GPC5: variants seen among roughly 807,000 people sequenced by gnomAD.
GPC5 encodes glypican 5, also known as glypican-5.
In GPC5, 47 loss-of-function variants were observed where a neutral mutation model predicts 53.9. The ratio of observed to expected loss-of-function variants is 0.87; its 90% CI spans 0.69 to 1.11. The LOEUF (loss-of-function observed/expected upper bound fraction) is 1.11, where lower values mean the gene tolerates loss of function less well. Ranked by LOEUF, GPC5 falls within the 50% of genes most tolerant of loss-of-function variation. The pLI is 0.00. For synonymous variants in GPC5, 286 were observed against 263.3 expected (o/e 1.09, Z -0.84); for missense variants, 748 against 713.1 (o/e 1.05, Z -0.56).
In GPC5 at chr13:91,961,071, C is replaced by T. The variant is rs183951364; in HGVS notation, c.1401+53014C>T. ...ATATTAAACTTAAAAAAAAACTTCT[C>T]CATAGAAAAGGAAACAATGAACAGA... is the stretch of plus-strand genomic sequence containing the variant. On this transcript the variant is annotated intron_variant, in intron 6 of 7. Coordinates refer to ENST00000377067, the MANE Select transcript of GPC5 (RefSeq NM_004466.6). Among the ~76,000 whole-genome samples the T allele has an allele frequency of 2.5e-4, 38 of 151,780 alleles. No homozygotes were observed. The East Asian group carries it at 7.0e-3, about 28-fold the overall frequency.
intron 2 of GPC5, among the ~76,000 whole-genome samples, chr13:91,557,291 C>T (rs542820606): frequency 2.6e-5 from 4 of 152,186 alleles, no homozygotes; most frequent in South Asian, 4.1e-4. Context: ...CTTTGCATTT[C>T]CCTTATGGCT....
intron 2 of GPC5, among the ~76,000 whole-genome samples, chr13:91,561,855 A>T (rs2031280013): frequency 6.6e-6 from 1 of 152,140 alleles, no homozygotes; most frequent in Admixed American, 6.6e-5. Context: ...CATGGTACCT[A>T]GTAATTTCCA....
intron 7 of GPC5, among the ~76,000 whole-genome samples, chr13:92,154,925 G>C (rs1430434163): frequency 6.6e-6 from 1 of 152,060 alleles, no homozygotes; most frequent in East Asian, 1.9e-4. Context: ...TACTAAAACT[G>C]CCCTTACGCA....
intron 7 of GPC5, among the ~76,000 whole-genome samples, chr13:92,405,305 A>G (rs1411369538): frequency 1.3e-5 from 2 of 152,162 alleles, no homozygotes; most frequent in East Asian, 3.9e-4. Context: ...TAAAGTGCAC[A>G]TCTTTGGAAT....
chr13:92,712,030 C>A (rs1888156563), intron 7 of GPC5, among the ~76,000 whole-genome samples: 1 of 150,524 alleles, frequency 6.6e-6, no homozygotes, highest in South Asian at 2.1e-4. Flanking sequence ...AAACCCCTAA[C>A]AAGCAGAAGA....
intron 7 of GPC5, among the ~76,000 whole-genome samples, chr13:92,764,444 C>T (rs1344349908): frequency 2.6e-5 from 4 of 152,182 alleles, no homozygotes; most frequent in Admixed American, 2.6e-4. Context: ...AGGAGGAACA[C>T]AGCCATATGG....
chr13:92,244,526 A>G (rs930388055), intron 7 of GPC5, among the ~76,000 whole-genome samples: 1 of 152,168 alleles, frequency 6.6e-6, no homozygotes, highest in African/African-American at 2.4e-5. Context: ...TTATAACGTT[A>G]TGGTCCAATC....
At chr13:92,517,532 C>G (rs1310207721) in intron 7 of GPC5, among the ~76,000 whole-genome samples, 1 of 152,172 alleles carries the variant, frequency 6.6e-6, no homozygotes, top group African/African-American at 2.4e-5. Context: ...GTTATATTCG[C>G]TGTTCTGCAG....
At chr13:91,503,520 G>A (rs1884759850) in intron 2 of GPC5, among the ~76,000 whole-genome samples, 2 of 151,882 alleles carry the variant, frequency 1.3e-5, no homozygotes, top group African/African-American at 4.8e-5. Flanking sequence ...AGTCGCTCAT[G>A]CCTATAATCC....
chr13:92,476,982 C>T (rs9589561), intron 7 of GPC5, among the ~76,000 whole-genome samples: 2,290 of 148,980 alleles, frequency 0.015, 59 homozygotes, highest in African/African-American at 0.051. Flanking sequence ...CAGCATGGCA[C>T]GTGTATACAT....
At chr13:92,129,256 A>G (rs1256849409) in intron 6 of GPC5, among the ~76,000 whole-genome samples, 1 of 152,230 alleles carries the variant, frequency 6.6e-6, no homozygotes, top group Non-Finnish European at 1.5e-5. Context: ...CAAAAGGATC[A>G]TACTTCAGAA....
chr13:92,058,501 A>T (rs186539205), intron 6 of GPC5, among the ~76,000 whole-genome samples: 108 of 152,280 alleles, frequency 7.1e-4, no homozygotes, highest in African/African-American at 2.5e-3. Flanking sequence ...TTACATTTTA[A>T]ATCTACGTTG....
intron 7 of GPC5, among the ~76,000 whole-genome samples, chr13:92,335,181 T>C (rs919696862): frequency 2.0e-5 from 3 of 152,182 alleles, no homozygotes; most frequent in Non-Finnish European, 4.4e-5. Context: ...GGCGTTTTCA[T>C]ACATCCTCTG....
At chr13:92,455,268 G>A (rs1878215039) in intron 7 of GPC5, among the ~76,000 whole-genome samples, 1 of 152,176 alleles carries the variant, frequency 6.6e-6, no homozygotes, top group African/African-American at 2.4e-5. Flanking sequence ...CATAAATATA[G>A]TTATAATATG....
At chr13:92,570,099 GACAATGTTTTAT>G (rs1882979821) in intron 7 of GPC5, among the ~76,000 whole-genome samples, 1 of 152,080 alleles carries the variant, frequency 6.6e-6, no homozygotes, top group African/African-American at 2.4e-5. Context: ...TTTTAAAAAA[GACAATGTTTTAT>G]ACATGCTTGC....
intron 7 of GPC5, among the ~76,000 whole-genome samples, chr13:92,850,445 C>T (rs1294324426): frequency 1.3e-5 from 2 of 151,976 alleles, no homozygotes; most frequent in African/African-American, 4.8e-5. Flanking sequence ...ACTAAAAATA[C>T]AAAAATTAGC....
At chr13:92,656,904 A>G (rs1405368634) in intron 7 of GPC5, among the ~76,000 whole-genome samples, 1 of 152,240 alleles carries the variant, frequency 6.6e-6, no homozygotes, top group Admixed American at 6.5e-5. Flanking sequence ...TGCAGTGAGC[A>G]ACGCTGCGAT....
chr13:92,740,544 T>C (rs893039532), intron 7 of GPC5, among the ~76,000 whole-genome samples: 3 of 152,080 alleles, frequency 2.0e-5, no homozygotes, highest in South Asian at 2.1e-4. Context: ...GTGCTTGGTA[T>C]GTATAGAACA....
At chr13:91,695,456 C>T (rs569241943) in intron 3 of GPC5, among the ~76,000 whole-genome samples, 2 of 152,252 alleles carry the variant, frequency 1.3e-5, no homozygotes, top group South Asian at 4.1e-4. Flanking sequence ...TCACTGCAAG[C>T]TCCGCCTTCC....
Sources: allele counts gnomAD v4.1 joint callset (sites outside exome capture counted in the v4.1 genomes callset), GRCh38; gene constraint gnomAD v4.1.1; transcripts MANE v1.5; gene names NCBI Gene and HGNC (gene_info 2026-07-23, HGNC 2026-07-21).